The following RNF216 variants were observed in gnomAD, a reference collection of about 807,000 sequenced individuals.
RNF216 encodes E3 ubiquitin-protein ligase RNF216.
In RNF216, 72 loss-of-function variants were observed where a neutral mutation model predicts 110.8. That is an observed-to-expected ratio of 0.65 (90% CI 0.54 to 0.79). The LOEUF (loss-of-function observed/expected upper bound fraction) is 0.79. Ranked by LOEUF, RNF216 falls within the 30% of genes least tolerant of loss-of-function variation. The probability of loss-of-function intolerance (pLI) is 0.00; values close to 1 mark genes in which losing one functional copy is unlikely to be tolerated. For synonymous variants in RNF216, 495 were observed against 407.5 expected (o/e 1.21, Z -2.59); for missense variants, 1,342 against 1,141.2 (o/e 1.18, Z -2.54).
In RNF216 at chr7:5,680,783, T is replaced by C. The variant is rs867876984; in HGVS notation, c.2062-28273A>G. 1.1e-3 allele frequency among the ~76,000 whole-genome samples: 172 copies of C among 152,280 alleles called. 3 individuals are homozygous for C. Among genetic ancestry groups the C allele is most frequent in the African/African-American group, 3.9e-3 (164 of 41,562 alleles). On this transcript the variant is annotated intron_variant, in intron 13 of 16. Transcript: ENST00000389902. The surrounding 1 kb of genome is among the most constrained non-coding windows in gnomAD (Gnocchi z 4.3). The stretch of plus-strand genomic sequence containing the variant: ...ACCACTTCTGGCCCCTGGGCTCCCC[T>C]GTATCCCTGAAGGACACAGCCACCC...
At chr7:5,626,123 G>A (rs1404733492) in intron 15 of RNF216, among the ~76,000 whole-genome samples, 1 of 152,206 alleles carries the variant, frequency 6.6e-6, no homozygotes, top group Non-Finnish European at 1.5e-5. Flanking sequence ...TGTCTGGAAG[G>A]AATCCTGAGG....
intron 2 of RNF216, among the ~76,000 whole-genome samples, chr7:5,758,569 G>C (rs1795765423): frequency 6.6e-6 from 1 of 152,194 alleles, no homozygotes. Context: ...CCTTGCACCA[G>C]TGTGCCATGA....
rs1786258370 is a variant in RNF216 at position 5,620,076 on chromosome 7, A to G, written c.*2784T>C. The G allele has an allele frequency of 6.6e-6, 1 of 152,256 alleles. No homozygotes were observed. The highest frequency in any genetic ancestry group is 1.5e-5 in the Non-Finnish European group (1 of 68,050). 9.4% of individuals were successfully genotyped at this position (152,256 alleles called of 1,614,324 possible). ...AGAGCGCACAAACATTTATTTACAA[A>G]AGTCCCAGTTACATATGATACAGGC... On this transcript the variant is annotated 3_prime_UTR_variant, in exon 17 of 17. Coordinates refer to ENST00000389902, the MANE Select transcript of RNF216 (RefSeq NM_207111.4).
At chr7:5,721,275 G>A (rs1198695672) in intron 8 of RNF216, 103 bp from the exon 9 acceptor site, 1 of 1,024,222 alleles carries the variant, frequency 9.8e-7, no homozygotes, top group Non-Finnish European at 1.4e-6. Flanking sequence ...CCTTCTCTCT[G>A]ATGGTACGTT....
chr7:5,707,043 C>A (rs191950612), intron 13 of RNF216, among the ~76,000 whole-genome samples: 1 of 152,188 alleles, frequency 6.6e-6, no homozygotes. Flanking sequence ...CCTTTTCCCC[C>A]GGTGGGTGTT....
intron 3 of RNF216, among the ~76,000 whole-genome samples, chr7:5,743,305 TG>T (rs1794865210): frequency 6.6e-6 from 1 of 152,034 alleles, no homozygotes; most frequent in African/African-American, 2.4e-5. Context: ...AAATAAAAAA[TG>T]TATGTCTGTC....
intron 14 of RNF216, 96 bp from the exon 15 acceptor site, chr7:5,641,472 A>C: frequency 9.9e-7 from 1 of 1,005,136 alleles, no homozygotes; most frequent in Non-Finnish European, 1.5e-6. Flanking sequence ...TAAAATGATC[A>C]CTTATGGCTT....
Position 5,758,745 on chromosome 7 carries a change from G to T in RNF216, c.67+2258C>A, listed in dbSNP as rs1331545074. Among the ~76,000 whole-genome samples, 3 of 152,102 alleles carry T rather than the reference G, an allele frequency of 2.0e-5. No homozygotes were observed. The East Asian group carries it at 5.8e-4, about 29-fold the overall frequency. ...ATGCATGTACCCCCATAGTATCTTG[G>T]GAATAATTAACTTGTTTTTGACTTT... On this transcript the variant is annotated intron_variant, in intron 2 of 16. Transcript: ENST00000389902.
chr7:5,738,923 G>A (rs1794594012), intron 5 of RNF216, among the ~76,000 whole-genome samples: 1 of 152,094 alleles, frequency 6.6e-6, no homozygotes, highest in Non-Finnish European at 1.5e-5. Flanking sequence ...ACTAATGTCA[G>A]AACGAACAAG....
At chr7:5,658,480 G>C (rs923071189) in intron 13 of RNF216, among the ~76,000 whole-genome samples, 1 of 151,796 alleles carries the variant, frequency 6.6e-6, no homozygotes, top group African/African-American at 2.4e-5. Flanking sequence ...AACATAGTGA[G>C]ACCCCATCTC....
chr7:5,637,060 T>C (rs924111736), intron 15 of RNF216, among the ~76,000 whole-genome samples: 3 of 152,174 alleles, frequency 2.0e-5, no homozygotes, highest in African/African-American at 4.8e-5. Flanking sequence ...GATGAAATAC[T>C]GCCTGTGGAG....
intron 8 of RNF216, among the ~76,000 whole-genome samples, chr7:5,724,057 G>A (rs1283768258): frequency 6.6e-6 from 1 of 152,166 alleles, no homozygotes; most frequent in Non-Finnish European, 1.5e-5. Flanking sequence ...GAAGTTAATG[G>A]GAAAATGTGA....
In RNF216 at chr7:5,718,659, T is replaced by G. The variant is rs139374471; in HGVS notation, c.1645-1893A>C. ...TCGACCTCCCATGTTCAAGCAATTCTCGTGCCTCATCCTCCCAAGTAGCTG... is the reference window on the plus strand; with the variant it reads ...TCGACCTCCCATGTTCAAGCAATTCGCGTGCCTCATCCTCCCAAGTAGCTG... On this transcript the variant is annotated intron_variant, in intron 9 of 16. Transcript: ENST00000389902. Among the ~76,000 whole-genome samples the G allele has an allele frequency of 1.6e-4, 25 of 151,942 alleles. No homozygotes were observed. In the Middle Eastern group the frequency reaches 0.01, roughly 62 times the overall value.
At chr7:5,766,899 T>C (rs1005589367) in intron 1 of RNF216, 6 of 152,356 alleles carry the variant, frequency 3.9e-5, no homozygotes, top group African/African-American at 1.4e-4. Context: ...ATTCACCAGA[T>C]AGCTGTATAA....
At chr7:5,634,927 T>C (rs1201786330) in intron 15 of RNF216, among the ~76,000 whole-genome samples, 1 of 152,142 alleles carries the variant, frequency 6.6e-6, no homozygotes, top group African/African-American at 2.4e-5. Context: ...TGCAGCTTCA[T>C]TCATCCATGG....
At chr7:5,749,175 G>A (rs1164708344) in intron 3 of RNF216, among the ~76,000 whole-genome samples, 1 of 148,858 alleles carries the variant, frequency 6.7e-6, no homozygotes, top group Non-Finnish European at 1.5e-5. Flanking sequence ...TTTTGAGACA[G>A]GGTCTCCCTC....
intron 14 of RNF216, among the ~76,000 whole-genome samples, chr7:5,644,372 C>A (rs1787923348): frequency 1.3e-5 from 2 of 152,136 alleles, no homozygotes; most frequent in African/African-American, 4.8e-5. Context: ...TTATAGTCAT[C>A]CTAATAGGTG....
intron 13 of RNF216, among the ~76,000 whole-genome samples, chr7:5,697,414 T>C (rs1791697074): frequency 6.6e-6 from 1 of 152,200 alleles, no homozygotes; most frequent in South Asian, 2.1e-4. Flanking sequence ...TCAGCCCACA[T>C]GTCTCCATAT....
intron 14 of RNF216, among the ~76,000 whole-genome samples, chr7:5,642,759 G>A (rs926597990): frequency 3.3e-5 from 5 of 152,302 alleles, no homozygotes; most frequent in South Asian, 2.1e-4. Context: ...GATTACAAGC[G>A]TGAGCCACTG....
Sources: gnomAD v4.1 joint callset for allele counts (sites outside exome capture counted in the v4.1 genomes callset) on GRCh38, gnomAD v4.1.1 for gene constraint, Gnocchi (gnomAD v3.1) non-coding constraint, MANE v1.5 for transcripts, NCBI Gene and HGNC (gene_info 2026-07-23, HGNC 2026-07-21) for gene names.